PPFIBP1: variants seen among roughly 807,000 people sequenced by gnomAD.
The protein encoded by PPFIBP1 is liprin-beta-1.
Under a neutral mutation model 137.8 loss-of-function variants are expected in PPFIBP1, and 112 were observed. That is an observed-to-expected ratio of 0.81 (90% CI 0.70 to 0.95). The LOEUF (loss-of-function observed/expected upper bound fraction) is 0.95. Ranked by LOEUF, PPFIBP1 falls within the 40% of genes least tolerant of loss-of-function variation. The pLI, the probability that PPFIBP1 is intolerant of heterozygous loss-of-function variation, is 0.00. For missense variants in PPFIBP1, 1,083 were observed against 1,196.6 expected (o/e 0.91, Z 1.40); for synonymous variants, 378 against 417.3 (o/e 0.91, Z 1.15).
intron 19 of PPFIBP1, 43 bp downstream of exon 19, chr12:27,677,139 C>T (rs201204205): frequency 3.1e-5 from 50 of 1,610,458 alleles, no homozygotes; most frequent in Admixed American, 5.0e-5. Flanking sequence ...CACTGTGCTC[C>T]AAACCAATCT....
At chr12:27,586,881 G>A (rs1307063809) in intron 2 of PPFIBP1, among the ~76,000 whole-genome samples, 1 of 152,128 alleles carries the variant, frequency 6.6e-6, no homozygotes, top group Non-Finnish European at 1.5e-5. Context: ...GTAAGTGTCA[G>A]GCTGTTCTTG....
chr12:27,606,526 A>G (rs1021276599), intron 2 of PPFIBP1, among the ~76,000 whole-genome samples: 12 of 152,196 alleles, frequency 7.9e-5, no homozygotes, highest in Non-Finnish European at 1.5e-5. Context: ...AGTTTTGCTG[A>G]TGCTTACATA....
At chr12:27,561,563 T>C (rs1328049270) in intron 1 of PPFIBP1, among the ~76,000 whole-genome samples, 1 of 152,200 alleles carries the variant, frequency 6.6e-6, no homozygotes, top group Non-Finnish European at 1.5e-5. Context: ...TCTGATGGCG[T>C]CTCTTTTCCC....
At chr12:27,541,238 C>CGTGT (rs1437528574) in intron 1 of PPFIBP1, among the ~76,000 whole-genome samples, 56 of 150,036 alleles carry the variant, frequency 3.7e-4, no homozygotes, top group South Asian at 4.2e-4. Context: ...AAAACTTGCA[C>CGTGT]GTGTGTGTGT....
intron 1 of PPFIBP1, among the ~76,000 whole-genome samples, chr12:27,573,502 A>T (rs1286745050): frequency 6.6e-6 from 1 of 152,206 alleles, no homozygotes; most frequent in Admixed American, 6.5e-5. Flanking sequence ...CCTCAGAAAC[A>T]GGAGTAGATA....
intron 8 of PPFIBP1, among the ~76,000 whole-genome samples, chr12:27,655,597 G>A (rs975546154): frequency 1.3e-5 from 2 of 152,208 alleles, no homozygotes; most frequent in African/African-American, 2.4e-5. Context: ...GATGGTAAAT[G>A]TACAGCAGTT....
At chr12:27,564,383 A>G (rs1430001831) in intron 1 of PPFIBP1, among the ~76,000 whole-genome samples, 1 of 152,240 alleles carries the variant, frequency 6.6e-6, no homozygotes, top group Admixed American at 6.5e-5. Flanking sequence ...CTTCTTAAAC[A>G]TTCACATAGC....
At chr12:27,620,310 C>T (rs1290896359) in intron 2 of PPFIBP1, among the ~76,000 whole-genome samples, 3 of 152,168 alleles carry the variant, frequency 2.0e-5, no homozygotes, top group Non-Finnish European at 4.4e-5. Context: ...TCCCACCACG[C>T]CTTCTGTGCC....
Position 27,646,267 on chromosome 12 carries a change from A to C in PPFIBP1, c.357+119A>C, listed in dbSNP as rs142914624. 1.7e-3 allele frequency: 1,300 copies of C among 786,476 alleles called. 12 individuals carry two copies. The highest frequency in any genetic ancestry group is 0.011 in the Middle Eastern group (47 of 4,454). 48.7% of individuals were successfully genotyped at this position (786,476 alleles called of 1,614,324 possible). ...ACTGCTAATAGAAATAAGCCTGATA[A>C]GCCATCTGTACACAATAGGGAGTGG... On this transcript the variant is annotated intron_variant, in intron 5 of 29. Coordinates refer to ENST00000228425, the MANE Select transcript of PPFIBP1 (RefSeq NM_003622.4).
chr12:27,557,859 C>A (rs1429622070), intron 1 of PPFIBP1, among the ~76,000 whole-genome samples: 1 of 152,140 alleles, frequency 6.6e-6, no homozygotes, highest in Non-Finnish European at 1.5e-5. Context: ...ATGTGAACTT[C>A]CTTATATTTA....
chr12:27,615,249 G>C (rs577017684), intron 2 of PPFIBP1, among the ~76,000 whole-genome samples: 1 of 152,146 alleles, frequency 6.6e-6, no homozygotes, highest in South Asian at 2.1e-4. Context: ...TTCCCGTGTC[G>C]CATGTTTTCA....
At chr12:27,673,648 T>C (rs1469800036) in intron 15 of PPFIBP1, 119 bp from the exon 16 acceptor site, 2 of 781,292 alleles carry the variant, frequency 2.6e-6, no homozygotes, top group East Asian at 5.4e-5. Context: ...TGATTCCAGA[T>C]TTTCTTTTAT....
chr12:27,664,490 A>G, intron 12 of PPFIBP1, 44 bp downstream of exon 12: 1 of 1,344,548 alleles, frequency 7.4e-7, no homozygotes, highest in South Asian at 1.2e-5. Context: ...GTTGACTCTA[A>G]GTGGCTATAA....
At chr12:27,681,845 C>CT in intron 22 of PPFIBP1, 149 bp downstream of exon 22, 1 of 822,122 alleles carries the variant, frequency 1.2e-6, no homozygotes, top group Admixed American at 3.1e-5. Context: ...CTTCATGCTT[C>CT]TTTTTTCTGG....
chr12:27,547,450 G>A (rs1946340028), intron 1 of PPFIBP1: 1 of 152,220 alleles, frequency 6.6e-6, no homozygotes, highest in African/African-American at 2.4e-5. Context: ...CTCTGAAGGA[G>A]CCTGTGACTT....
intron 2 of PPFIBP1, among the ~76,000 whole-genome samples, chr12:27,594,479 C>G (rs2052954680): frequency 6.6e-6 from 1 of 152,022 alleles, no homozygotes; most frequent in African/African-American, 2.4e-5. Flanking sequence ...CGCCCAGCCC[C>G]ATTCCCTTTT....
In PPFIBP1 at chr12:27,577,095, G is replaced by GTGAT. The variant is rs1297983949; in HGVS notation, c.-123-1055_-123-1052dup. 6.6e-5 allele frequency among the ~76,000 whole-genome samples: 10 copies of GTGAT among 152,258 alleles called. 1 individual carries two copies. The East Asian group carries it at 1.9e-3, about 29-fold the overall frequency. On this transcript the variant is annotated intron_variant, in intron 1 of 29. Coordinates refer to ENST00000228425, the MANE Select transcript of PPFIBP1 (RefSeq NM_003622.4). ...AGGAATGGACAGATACTTACCTGAT[G>GTGAT]TGATTTGATGGGGTGTTGAGAAATT...
chr12:27,687,648 T>C (rs1350810862), intron 25 of PPFIBP1, 141 bp downstream of exon 25: 84 of 1,000,620 alleles, frequency 8.4e-5, no homozygotes, highest in Admixed American at 2.2e-4. Context: ...AGGCTTTTTC[T>C]GTATTCCTTC....
intron 19 of PPFIBP1, chr12:27,677,675 G>T (rs2140302136): frequency 6.6e-6 from 1 of 152,612 alleles, no homozygotes; most frequent in South Asian, 2.1e-4. Context: ...AGTGATTTTA[G>T]AAGAGGGGCA....
Sources: gnomAD v4.1 joint callset for allele counts (sites outside exome capture counted in the v4.1 genomes callset) on GRCh38, gnomAD v4.1.1 for gene constraint, MANE v1.5 for transcripts, NCBI Gene and HGNC (gene_info 2026-07-23, HGNC 2026-07-21) for gene names.